The following SEMA6D variants were observed in gnomAD, a reference collection of about 807,000 sequenced individuals.
SEMA6D encodes the protein semaphorin 6D.
Under a neutral mutation model 106.6 loss-of-function variants are expected in SEMA6D, and 35 were observed. That is an observed-to-expected ratio of 0.33 (90% CI 0.25 to 0.44). The LOEUF is 0.44. Among genes scored for constraint, SEMA6D ranks in the 20% least tolerant of loss-of-function variants. SEMA6D has a pLI of 1.00. For missense variants in SEMA6D, 1,185 were observed against 1,345.9 expected, an observed-to-expected ratio of 0.88 and a Z score of 1.87; for synonymous variants, 499 against 487.7, an observed-to-expected ratio of 1.02 and a Z score of -0.31.
intron 1 of SEMA6D, among the ~76,000 whole-genome samples, chr15:47,740,887 A>G (rs1001359584): frequency 9.2e-5 from 14 of 152,218 alleles, no homozygotes; most frequent in African/African-American, 3.4e-4. Context: ...TAGGAGGAAG[A>G]GGTGGAAACC....
At chr15:47,569,767 A>AGGCTT in intron 3 of SEMA6D, among the ~76,000 whole-genome samples, 1 of 152,224 alleles carries the variant, frequency 6.6e-6, no homozygotes, top group South Asian at 2.1e-4. Flanking sequence ...GGATCATTTT[A>AGGCTT]TAAGGATTTG....
intron 1 of SEMA6D, among the ~76,000 whole-genome samples, chr15:47,207,985 G>GCA (rs1491250154): frequency 4.0e-4 from 24 of 60,710 alleles, no homozygotes; most frequent in African/African-American, 1.4e-3. Flanking sequence ...GTAGCCACTG[G>GCA]CGCGCGCGCA....
chr15:47,207,722 G>A (rs964288322), intron 1 of SEMA6D, among the ~76,000 whole-genome samples: 1 of 152,018 alleles, frequency 6.6e-6, no homozygotes, highest in Non-Finnish European at 1.5e-5. Context: ...TCATGAAAAA[G>A]GCAGTCCTCT....
At chr15:47,283,658 T>C (rs2035232851) in intron 1 of SEMA6D, among the ~76,000 whole-genome samples, 2 of 152,164 alleles carry the variant, frequency 1.3e-5, no homozygotes, top group Non-Finnish European at 2.9e-5. Context: ...TGCCTCTACT[T>C]TCCCACCATG....
chr15:47,586,787 C>T (rs956568989), intron 3 of SEMA6D, among the ~76,000 whole-genome samples: 20 of 151,970 alleles, frequency 1.3e-4, no homozygotes, highest in Admixed American at 9.8e-4. Flanking sequence ...CCACCCCACC[C>T]GGCAGCCATC....
At chr15:47,196,393 T>C (rs1454031753) in intron 1 of SEMA6D, among the ~76,000 whole-genome samples, 1 of 152,140 alleles carries the variant, frequency 6.6e-6, no homozygotes, top group Non-Finnish European at 1.5e-5. Flanking sequence ...ATTTTGGATA[T>C]TATATCCCTT....
intron 1 of SEMA6D, among the ~76,000 whole-genome samples, chr15:47,237,946 A>G (rs573722007): frequency 2.6e-5 from 4 of 152,142 alleles, no homozygotes; most frequent in Admixed American, 1.3e-4. Context: ...CCAAAGAACT[A>G]GCAGCACTCT....
chr15:47,358,328 C>CT (rs747500452), intron 1 of SEMA6D, among the ~76,000 whole-genome samples: 5 of 148,542 alleles, frequency 3.4e-5, no homozygotes, highest in South Asian at 4.2e-4. Flanking sequence ...ATTTATTGGC[C>CT]TTTTTTGTTC....
intron 4 of SEMA6D, among the ~76,000 whole-genome samples, chr15:47,625,291 A>G (rs149017300): frequency 1.2e-3 from 183 of 152,340 alleles, no homozygotes; most frequent in Admixed American, 2.6e-3. Flanking sequence ...GAATGAATGC[A>G]TAAATACAGG....
intron 1 of SEMA6D, among the ~76,000 whole-genome samples, chr15:47,261,626 A>G (rs1399708214): frequency 6.6e-6 from 1 of 151,994 alleles, no homozygotes; most frequent in Admixed American, 6.6e-5. Flanking sequence ...CATTTTCATC[A>G]CCTCCTAAAG....
chr15:47,276,019 C>G (rs2142364627), intron 1 of SEMA6D, among the ~76,000 whole-genome samples: 1 of 152,198 alleles, frequency 6.6e-6, no homozygotes, highest in Non-Finnish European at 1.5e-5. Flanking sequence ...TCAAACCAGC[C>G]ACAGCATTCC....
chr15:47,565,041 C>T (rs570206989), intron 3 of SEMA6D, among the ~76,000 whole-genome samples: 2 of 152,304 alleles, frequency 1.3e-5, no homozygotes, highest in Admixed American at 6.5e-5. Context: ...CCCACATTTA[C>T]CATCCTTTAA....
chr15:47,749,682 A>G (rs2081328290), intron 1 of SEMA6D, among the ~76,000 whole-genome samples: 1 of 152,208 alleles, frequency 6.6e-6, no homozygotes, highest in South Asian at 2.1e-4. Flanking sequence ...CCTATATTTT[A>G]CGAAGGTCAA....
intron 4 of SEMA6D, among the ~76,000 whole-genome samples, chr15:47,684,174 G>A (rs776932355): frequency 9.2e-5 from 14 of 151,996 alleles, no homozygotes; most frequent in East Asian, 1.9e-4. Context: ...ATGGGTGTTC[G>A]TGTTTGCATT....
At chr15:47,422,425 T>G (rs1286858283) in intron 2 of SEMA6D, among the ~76,000 whole-genome samples, 1 of 152,036 alleles carries the variant, frequency 6.6e-6, no homozygotes, top group Non-Finnish European at 1.5e-5. Context: ...CAGTTGGGTA[T>G]TCCATGTCAT....
chr15:47,348,727 C>CCACAGAGAGAGAGAGAGAGAG (rs1555425939), intron 1 of SEMA6D, among the ~76,000 whole-genome samples: 3 of 57,054 alleles, frequency 5.3e-5, no homozygotes, highest in African/African-American at 9.9e-5. Context: ...ACCACACACA[C>CCACAGAGAGAGAGAGAGAGAG]AGAGAGAGAG....
At chr15:47,720,721 GAGA>G (rs1306610504) in intron 1 of SEMA6D, among the ~76,000 whole-genome samples, 1 of 152,180 alleles carries the variant, frequency 6.6e-6, no homozygotes, top group Non-Finnish European at 1.5e-5. Context: ...ATTGAAACTG[GAGA>G]AGTTCTTCAC....
intron 1 of SEMA6D, among the ~76,000 whole-genome samples, chr15:47,319,438 G>T (rs1004297221): frequency 6.6e-6 from 1 of 152,110 alleles, no homozygotes; most frequent in Non-Finnish European, 1.5e-5. Flanking sequence ...GGTAAGATGT[G>T]GGTGGAGGAC....
chr15:47,585,330 G>A (rs911513774), intron 3 of SEMA6D, among the ~76,000 whole-genome samples: 1 of 152,216 alleles, frequency 6.6e-6, no homozygotes, highest in African/African-American at 2.4e-5. Context: ...CTGCCTGTTG[G>A]TGGTGTCTTA....
Sources: gnomAD v4.1 joint callset for allele counts (sites outside exome capture counted in the v4.1 genomes callset) on GRCh38, gnomAD v4.1.1 for gene constraint, MANE v1.5 for transcripts, NCBI Gene and HGNC (gene_info 2026-07-23, HGNC 2026-07-21) for gene names.